The following ADK variants were observed in gnomAD, a reference collection of about 807,000 sequenced individuals.
ADK encodes the protein N6,N6-dimethyladenosine kinase.
ADK carries 24 observed loss-of-function variants against 44.7 expected under a neutral mutation model. The ratio of observed to expected loss-of-function variants is 0.54; its 90% CI spans 0.39 to 0.76. ADK has a LOEUF of 0.76. Among genes scored for constraint, ADK ranks in the 30% least tolerant of loss-of-function variants. ADK has a pLI of 0.00. For synonymous variants in ADK, 128 were observed against 142.6 expected (o/e 0.90, Z 0.73); for missense variants, 321 against 425.1 (o/e 0.76, Z 2.15).
chr10:74,286,402 A>G (rs527773507), intron 3 of ADK, among the ~76,000 whole-genome samples: 121 of 152,282 alleles, frequency 7.9e-4, no homozygotes, highest in African/African-American at 2.8e-3. Context: ...TTGAGACATC[A>G]ATTTATCAAG....
At chr10:74,679,594 T>C (rs1232452664) in intron 10 of ADK, among the ~76,000 whole-genome samples, 1 of 151,660 alleles carries the variant, frequency 6.6e-6, no homozygotes, top group Non-Finnish European at 1.5e-5. Flanking sequence ...TTAATGCCAG[T>C]AAAAAATTAC....
intron 3 of ADK, among the ~76,000 whole-genome samples, chr10:74,288,710 G>A (rs908585370): frequency 2.0e-5 from 3 of 152,106 alleles, no homozygotes; most frequent in East Asian, 1.9e-4. Context: ...GTCTTATTAC[G>A]TTTTTCTGGC....
At chr10:74,648,238 A>G (rs923829678) in intron 9 of ADK, among the ~76,000 whole-genome samples, 2 of 152,172 alleles carry the variant, frequency 1.3e-5, no homozygotes, top group Non-Finnish European at 2.9e-5. Context: ...AAGAAATGCT[A>G]AAAGGGAATG....
At chr10:74,695,613 GT>G (rs1420541345) in intron 10 of ADK, among the ~76,000 whole-genome samples, 71 of 53,020 alleles carry the variant, frequency 1.3e-3, no homozygotes, top group East Asian at 0.013. Context: ...TCCTGTGTAT[GT>G]GTGGGGTGTG....
intron 2 of ADK, among the ~76,000 whole-genome samples, chr10:74,223,217 A>G (rs570296020): frequency 6.6e-6 from 1 of 152,214 alleles, no homozygotes; most frequent in African/African-American, 2.4e-5. Context: ...AGGGTATCAC[A>G]TGGCAAGGGG....
At chr10:74,299,405 C>T (rs1839924948) in intron 3 of ADK, among the ~76,000 whole-genome samples, 1 of 148,280 alleles carries the variant, frequency 6.7e-6, no homozygotes, top group South Asian at 2.1e-4. Context: ...GAGGCTGAGG[C>T]AGGAGAACTG....
intron 2 of ADK, among the ~76,000 whole-genome samples, chr10:74,212,415 T>C (rs948691376): frequency 6.6e-6 from 1 of 152,208 alleles, no homozygotes; most frequent in Admixed American, 6.5e-5. Flanking sequence ...GCTTGTAATC[T>C]AATTGAGGAG....
intron 1 of ADK, among the ~76,000 whole-genome samples, chr10:74,186,281 T>A (rs1307645351): frequency 6.6e-6 from 1 of 150,678 alleles, no homozygotes; most frequent in Non-Finnish European, 1.5e-5. Flanking sequence ...TTCTCCCCTT[T>A]CCCTTCTCCT....
Position 74,222,782 on chromosome 10 carries a change from A to G in ADK, c.141-1756A>G, listed in dbSNP as rs1392907904. On this transcript the variant is annotated intron_variant, in intron 2 of 10. Transcript: ENST00000539909. ...AAGAACAAAAAACCAAACACCGCAT[A>G]TTCTCACTCATAGGTGGGAATTGAA... 2.4e-4 allele frequency among the ~76,000 whole-genome samples: 35 copies of G among 148,528 alleles called. No homozygotes were observed. The South Asian group carries it at 7.5e-3, about 32-fold the overall frequency.
At chr10:74,326,155 C>T (rs1471451451) in intron 4 of ADK, among the ~76,000 whole-genome samples, 5 of 152,062 alleles carry the variant, frequency 3.3e-5, no homozygotes, top group Non-Finnish European at 4.4e-5. Context: ...CTATGTTCAT[C>T]GGAGACATTG....
chr10:74,539,696 GA>G (rs558026552), intron 7 of ADK, among the ~76,000 whole-genome samples: 6 of 148,292 alleles, frequency 4.0e-5, no homozygotes, highest in Non-Finnish European at 1.5e-5. Context: ...AACCCCTTCA[GA>G]AAAAAAAACA....
intron 6 of ADK, among the ~76,000 whole-genome samples, chr10:74,497,926 G>A (rs1847749939): frequency 6.6e-6 from 1 of 150,590 alleles, no homozygotes. Flanking sequence ...GTCTCACTCT[G>A]TCACCCAGGC....
chr10:74,160,219 C>T (rs1841852631), intron 1 of ADK, among the ~76,000 whole-genome samples: 1 of 152,148 alleles, frequency 6.6e-6, no homozygotes, highest in Non-Finnish European at 1.5e-5. Flanking sequence ...ACTAATGTGC[C>T]ATGTCAGTTT....
Position 74,542,234 on chromosome 10 carries a change from C to T in ADK, c.726+16808C>T, listed in dbSNP as rs114540140. On this transcript the variant is annotated intron_variant, in intron 7 of 10. Transcript: ENST00000539909. ...ACGAGATGACTGCAGCCCTGGTCTACATCTCAGTTGCAGTCTTGTGAAATC... is the reference window on the plus strand; with the variant it reads ...ACGAGATGACTGCAGCCCTGGTCTATATCTCAGTTGCAGTCTTGTGAAATC... Among the ~76,000 whole-genome samples, 328 of 152,332 alleles carry T rather than the reference C, an allele frequency of 2.2e-3. 1 individual carries two copies. Among genetic ancestry groups the T allele is most frequent in the African/African-American group, 7.3e-3 (303 of 41,584 alleles).
intron 3 of ADK, among the ~76,000 whole-genome samples, chr10:74,303,260 A>G (rs187052275): frequency 5.3e-4 from 81 of 152,322 alleles, no homozygotes; most frequent in Non-Finnish European, 8.7e-4. Context: ...CTTATTTTAA[A>G]ATTGAACGCT....
intron 9 of ADK, among the ~76,000 whole-genome samples, chr10:74,636,569 T>G (rs1486768324): frequency 6.6e-6 from 1 of 152,212 alleles, no homozygotes; most frequent in Non-Finnish European, 1.5e-5. Flanking sequence ...CTACACAGAT[T>G]GAGAGCCTAC....
rs781767810 is a variant in ADK at position 74,359,273 on chromosome 10, T to C, written c.274-34868T>C. Among the ~76,000 whole-genome samples, 63 of 152,214 alleles carry C rather than the reference T, an allele frequency of 4.1e-4. 1 individual carries two copies. The highest frequency in any genetic ancestry group is 5.6e-4 in the Non-Finnish European group (38 of 68,032). On this transcript the variant is annotated intron_variant, in intron 4 of 10. Transcript: ENST00000539909. ...GTGTGATGCCGCAGCTTTCTCTTTT[T>C]GCTCAGGATTATTTTAGCTATTTGG...
At chr10:74,469,826 A>T (rs1324452777) in intron 6 of ADK, among the ~76,000 whole-genome samples, 1 of 151,582 alleles carries the variant, frequency 6.6e-6, no homozygotes, top group Non-Finnish European at 1.5e-5. Context: ...CCACCATTCC[A>T]CTCTGATTCC....
intron 3 of ADK, among the ~76,000 whole-genome samples, chr10:74,281,613 C>G (rs1016589598): frequency 4.6e-5 from 7 of 152,070 alleles, no homozygotes; most frequent in African/African-American, 1.4e-4. Context: ...TAGCTCTGGA[C>G]TTTTTGTTAT....
Sources: allele counts gnomAD v4.1 joint callset (sites outside exome capture counted in the v4.1 genomes callset), GRCh38; gene constraint gnomAD v4.1.1; transcripts MANE v1.5; gene names NCBI Gene and HGNC (gene_info 2026-07-23, HGNC 2026-07-21).